Variants in NBPF9 observed in about 807,000 individuals in gnomAD.
The protein encoded by NBPF9 is NBPF member 9.
Under a neutral mutation model 97.8 loss-of-function variants are expected in NBPF9, and 91 were observed. The ratio of observed to expected loss-of-function variants is 0.93; its 90% confidence interval spans 0.79 to 1.11. NBPF9 has a LOEUF of 1.11. NBPF9 is among the 50% of genes least tolerant of loss of function. The pLI is 0.00. For synonymous variants in NBPF9, 334 were observed against 359.5 expected, an observed-to-expected ratio of 0.93 and a Z score of 0.80; for missense variants, 992 against 939.5, an observed-to-expected ratio of 1.06 and a Z score of -0.73.
At chr1:149,082,150 G>A (rs1398766979) in exon 7 of NBPF9, 19 of 1,611,942 alleles carry the variant, frequency 1.2e-5, no homozygotes, top group African/African-American at 9.4e-5. Flanking sequence ...GCTGACGTTT[G>A]TGGCAGAAGA....
chr1:149,087,223 G>T (rs1698620), intron 5 of NBPF9, among the ~76,000 whole-genome samples: 88,365 of 150,946 alleles, frequency 0.59, 26,031 homozygotes, highest in African/African-American at 0.65. Flanking sequence ...GCTGTTTATC[G>T]TATCAGACTG....
chr1:149,059,922 C>A, intron 24 of NBPF9, 114 bp from the exon 25 acceptor site: 2 of 445,962 alleles, frequency 4.5e-6, no homozygotes, highest in East Asian at 5.5e-5. Context: ...AAGAATAGGA[C>A]ACTGTGAGAG....
Position 149,080,088 on chromosome 1 carries a change from C to G in NBPF9, c.243G>C (p.Lys81Asn), listed in dbSNP as rs782049692. Residue 81 changes from lysine to asparagine, a missense_variant, in exon 8 of 30, where the codon AAG (lysine) becomes AAC (asparagine). Physicochemically the swap from Lys to Asn is moderately conservative, Grantham distance 94. Transcript: ENST00000584027. ...CAGCTTGCTTCAGCTGCTCTGCAAG[C>G]TTCTCCTCCTTGAACTGTCGCTCAT... 3.4e-6 allele frequency: 5 copies of G among 1,449,284 alleles called. No individual in the cohort carries two copies. In the East Asian group the frequency reaches 1.1e-4, roughly 33 times the overall value. 89.8% of individuals were successfully genotyped at this position (1,449,284 alleles called of 1,614,324 possible). A position where few individuals can be genotyped will look rare whatever the true frequency, so the allele number is the denominator to read the frequency against.
Position 149,082,371 on chromosome 1 carries a change from C to T in NBPF9, c.-135G>A, listed in dbSNP as rs1391104610. 27 of 1,478,796 alleles carry T rather than the reference C, an allele frequency of 1.8e-5. No individual in the cohort carries two copies. The highest frequency in any genetic ancestry group is 2.4e-5 in the Non-Finnish European group (27 of 1,104,516). 91.6% of individuals were successfully genotyped at this position (1,478,796 alleles called of 1,614,324 possible). A position where few individuals can be genotyped will look rare whatever the true frequency, so the allele number is the denominator to read the frequency against. ...CCTCAACTCAGAGCTGAAAGCACTG[C>T]CAGTAGCTCAGACTCTGATAAGAGT... is the stretch of plus-strand genomic sequence containing the variant. On this transcript the variant is annotated 5_prime_UTR_variant, in exon 6 of 30. The change creates a premature stop within an existing upstream ORF in the 5' untranslated region. Transcript: ENST00000584027.
chr1:149,085,642 A>T (rs1362876899), intron 5 of NBPF9, among the ~76,000 whole-genome samples: 1 of 151,984 alleles, frequency 6.6e-6, no homozygotes, highest in Non-Finnish European at 1.5e-5. Flanking sequence ...TACCTGCTTC[A>T]TTGCATGTAT....
chr1:149,072,579 G>A (rs587698167), intron 14 of NBPF9, 139 bp downstream of exon 14: 5 of 1,420,046 alleles, frequency 3.5e-6, no homozygotes, highest in South Asian at 3.5e-5. Flanking sequence ...TCTTACCCAA[G>A]AAGTCCTTGT....
intron 12 of NBPF9, among the ~76,000 whole-genome samples, chr1:149,075,198 T>C (rs1251239601): frequency 1.3e-4 from 20 of 151,846 alleles, no homozygotes; most frequent in Non-Finnish European, 2.4e-4. Context: ...GAGCAGGTAC[T>C]GGCTACTATC....
At chr1:149,055,748 T>C (rs781954829) in exon 30 of NBPF9, 6 of 1,611,696 alleles carry the variant, frequency 3.7e-6, no homozygotes, top group East Asian at 4.5e-5. Flanking sequence ...AGGGCGAAGC[T>C]GATGTGCTGT....
intron 12 of NBPF9, among the ~76,000 whole-genome samples, chr1:149,074,741 C>T (rs1320628968): frequency 6.6e-6 from 1 of 151,286 alleles, no homozygotes; most frequent in African/African-American, 2.4e-5. Flanking sequence ...AGACTCTGTG[C>T]CCCAGGAAGC....
exon 30 of NBPF9, chr1:149,055,248 AGAAT>A (rs1182315415): frequency 9.8e-6 from 3 of 306,506 alleles, no homozygotes; most frequent in African/African-American, 6.4e-5. Flanking sequence ...GAAGACACGA[AGAAT>A]GAGGTTAGGT....
At chr1:149,056,103 GAAAGAC>G (rs199870492) in intron 29 of NBPF9, among the ~76,000 whole-genome samples, 2 of 115,390 alleles carry the variant, frequency 1.7e-5, no homozygotes, top group African/African-American at 3.0e-5. Flanking sequence ...GACAGAGAGA[GAAAGAC>G]AGAGACAGAG....
intron 24 of NBPF9, 171 bp from the exon 25 acceptor site, chr1:149,059,979 G>A: frequency 2.4e-6 from 1 of 410,374 alleles, no homozygotes; most frequent in East Asian, 2.8e-5. Context: ...AAATTCCTCA[G>A]TTTTTCTCCC....
chr1:149,071,097 T>C, exon 16 of NBPF9: 2 of 1,608,818 alleles, frequency 1.2e-6, no homozygotes, highest in East Asian at 4.5e-5. Context: ...ATTCCTCCAG[T>C]GAGTCCTCAG....
rs782617537 is a variant in NBPF9 at position 149,062,259 on chromosome 1, G to C, written c.2085C>G (p.Ser695Arg). ...GCTCTTTCTCATCCAGCAGCTCCCT[G>C]CTGAGCCTGGAAAAGTAGGAAAAAG... Residue 695 changes from serine (S) to arginine (R), a missense_variant, in exon 22 of 30, where the codon AGC becomes AGG. This residue lies in a region of NBPF9 where 397 missense variants were observed against 213.6 expected (regional missense o/e 1.86). Transcript: ENST00000584027. 8 of 800,802 alleles carry C rather than the reference G, an allele frequency of 1.0e-5. No individual in the cohort carries two copies. The Admixed American group carries it at 1.3e-4, about 13-fold the overall frequency. 49.6% of individuals were successfully genotyped at this position (800,802 alleles called of 1,614,324 possible).
chr1:149,084,032 G>T (rs1432990522), intron 5 of NBPF9, among the ~76,000 whole-genome samples: 1 of 150,220 alleles, frequency 6.7e-6, no homozygotes. Flanking sequence ...GGGCATTGGT[G>T]TCTTTGTTTT....
chr1:149,053,991 G>T (rs1553648136), downstream of NBPF9: 1 of 148,056 alleles, frequency 6.8e-6, no homozygotes. Flanking sequence ...GCTACATATG[G>T]TAAACATAGC....
At chr1:149,080,507 G>T (rs2080335072) in intron 7 of NBPF9, among the ~76,000 whole-genome samples, 5 of 150,692 alleles carry the variant, frequency 3.3e-5, no homozygotes, top group Admixed American at 3.3e-4. Flanking sequence ...ACTGGGGCAT[G>T]AAGTAGTGAT....
At chr1:149,095,732 T>C (rs1196773101) in intron 4 of NBPF9, among the ~76,000 whole-genome samples, 9 of 151,998 alleles carry the variant, frequency 5.9e-5, no homozygotes, top group African/African-American at 2.2e-4. Flanking sequence ...TGTGAGGGAA[T>C]TGCACATTAA....
chr1:149,084,543 C>A (rs1306946662), intron 5 of NBPF9, among the ~76,000 whole-genome samples: 2 of 149,144 alleles, frequency 1.3e-5, no homozygotes, highest in East Asian at 4.1e-4. Context: ...CCCCCACCCA[C>A]CAGCCCAGGC....
Sources: allele counts gnomAD v4.1 joint callset (sites outside exome capture counted in the v4.1 genomes callset), GRCh38; gene constraint gnomAD v4.1.1; regional missense constraint gnomAD v4.1.1; transcripts MANE v1.5; gene names NCBI Gene and HGNC (gene_info 2026-07-23, HGNC 2026-07-21).